The following TENM3 variants were observed in gnomAD, a reference collection of about 807,000 sequenced individuals.
TENM3 encodes teneurin-3.
Under a neutral mutation model 255.1 loss-of-function variants are expected in TENM3, and 63 were observed. That is an observed-to-expected ratio of 0.25 (90% CI 0.20 to 0.30). The LOEUF (loss-of-function observed/expected upper bound fraction) is 0.30. Ranked by LOEUF, TENM3 falls within the 10% of genes least tolerant of loss-of-function variation. The pLI, the probability that TENM3 is intolerant of heterozygous loss-of-function variation, is 1.00. For synonymous variants in TENM3, 1,306 were observed against 1,322.3 expected (o/e 0.99, Z 0.27); for missense variants, 2,929 against 3,461.1 (o/e 0.85, Z 3.86).
the TENM3 span, among the ~76,000 whole-genome samples, chr4:181,458,910 A>G: frequency 6.6e-6 from 1 of 152,016 alleles, no homozygotes; most frequent in African/African-American, 2.4e-5. Flanking sequence ...TCCAATGAGT[A>G]AATACCTAGA....
chr4:182,437,448 A>G (rs1401990516), intron 3 of TENM3, among the ~76,000 whole-genome samples: 2 of 151,876 alleles, frequency 1.3e-5, no homozygotes, highest in Non-Finnish European at 2.9e-5. Flanking sequence ...TAGGAGTTCA[A>G]GATCAGCCTG....
At chr4:182,332,560 G>C (rs532145174) in intron 2 of TENM3, among the ~76,000 whole-genome samples, 2 of 152,068 alleles carry the variant, frequency 1.3e-5, no homozygotes, top group African/African-American at 2.4e-5. Flanking sequence ...TGGGCGTGGT[G>C]GTGGGCGCCT....
the TENM3 span, among the ~76,000 whole-genome samples, chr4:182,112,245 C>T: frequency 0.15 from 22,746 of 152,086 alleles, 1,931 homozygotes; most frequent in Non-Finnish European, 0.19. Context: ...GTATAGCGCG[C>T]CCTCCCCAAC....
At chr4:182,462,522 A>C (rs962345115) in intron 3 of TENM3, among the ~76,000 whole-genome samples, 1 of 151,790 alleles carries the variant, frequency 6.6e-6, no homozygotes, top group South Asian at 2.1e-4. Flanking sequence ...CTTTGAGTGC[A>C]GAAGCTGGTT....
At chr4:181,519,569 T>C in the TENM3 span, among the ~76,000 whole-genome samples, 1 of 152,226 alleles carries the variant, frequency 6.6e-6, no homozygotes, top group African/African-American at 2.4e-5. Context: ...TAAGGTTTTT[T>C]GAGAGGCATA....
intron 12 of TENM3, among the ~76,000 whole-genome samples, chr4:182,700,828 T>C (rs1386588622): frequency 2.6e-5 from 4 of 152,202 alleles, no homozygotes; most frequent in Admixed American, 2.6e-4. Context: ...TTTTCTTATA[T>C]ACTAAATTAG....
At chr4:182,411,856 T>C (rs1243979794) in intron 3 of TENM3, among the ~76,000 whole-genome samples, 2 of 152,204 alleles carry the variant, frequency 1.3e-5, no homozygotes, top group African/African-American at 2.4e-5. Flanking sequence ...ACCAGTCACA[T>C]AGATAAAATA....
the TENM3 span, among the ~76,000 whole-genome samples, chr4:181,899,630 C>T: frequency 6.6e-6 from 1 of 151,862 alleles, no homozygotes; most frequent in Non-Finnish European, 1.5e-5. Flanking sequence ...TGCAGTGGCG[C>T]GATCTCAGCT....
intron 3 of TENM3, among the ~76,000 whole-genome samples, chr4:182,585,380 C>G (rs1413217729): frequency 6.6e-6 from 1 of 152,056 alleles, no homozygotes; most frequent in African/African-American, 2.4e-5. Context: ...GCTGTAATCC[C>G]CTATGTGACT....
the TENM3 span, among the ~76,000 whole-genome samples, chr4:181,490,227 A>G: frequency 8.9e-3 from 1,352 of 152,174 alleles, 16 homozygotes; most frequent in South Asian, 0.033. Flanking sequence ...AACTATACGC[A>G]CCCTATTGTG....
chr4:181,856,232 C>G, the TENM3 span, among the ~76,000 whole-genome samples: 3 of 151,542 alleles, frequency 2.0e-5, no homozygotes, highest in South Asian at 4.2e-4. Flanking sequence ...TTACAGTTAC[C>G]CCTACCTCAA....
rs191624761 is a variant in TENM3, at chr4:182,336,641, C to T, written c.233-10010C>T. ...TGGCCAGATCTAGCTTGTTAATGTC[C>T]CTGCTGCCCTGATGGCTTGGTTTTC... On this transcript the variant is annotated intron_variant, in intron 2 of 27. Coordinates refer to ENST00000511685, the MANE Select transcript of TENM3 (RefSeq NM_001080477.4). Among the ~76,000 whole-genome samples, 80 of 152,214 alleles carry T rather than the reference C, an allele frequency of 5.3e-4. 1 individual carries two copies. The highest frequency in any genetic ancestry group is 6.8e-3 in the Middle Eastern group (2 of 294).
rs578146577 is a variant in TENM3 at position 182,755,804 on chromosome 4, C to G, written c.4892+545C>G. ...GCAGTGAGCCGAGATCGCGCCACTG[C>G]ACTCCAGTCTCTGGGCGACAGAGCG... is the stretch of plus-strand genomic sequence containing the variant. On this transcript the variant is annotated intron_variant, in intron 22 of 27. Transcript: ENST00000511685. 9.4e-4 allele frequency among the ~76,000 whole-genome samples: 143 copies of G among 152,118 alleles called. 1 individual carries two copies. The highest frequency in any genetic ancestry group is 3.3e-3 in the African/African-American group (138 of 41,474).
At chr4:182,674,969 C>T (rs981026320) in intron 7 of TENM3, among the ~76,000 whole-genome samples, 6 of 151,886 alleles carry the variant, frequency 4.0e-5, no homozygotes, top group South Asian at 2.1e-4. Context: ...CTCCGCCTCC[C>T]GGGTTCAAGT....
chr4:181,535,976 T>C, the TENM3 span, among the ~76,000 whole-genome samples: 1 of 152,162 alleles, frequency 6.6e-6, no homozygotes, highest in Non-Finnish European at 1.5e-5. Flanking sequence ...TTAGCCACAT[T>C]TCCCTAATAA....
chr4:182,767,076 C>T (rs1202922752), intron 22 of TENM3, among the ~76,000 whole-genome samples: 1 of 152,088 alleles, frequency 6.6e-6, no homozygotes, highest in Non-Finnish European at 1.5e-5. Context: ...TGCTCTGTTT[C>T]CCTTGGTGAT....
chr4:182,257,587 G>A (rs1430666629), intron 1 of TENM3, among the ~76,000 whole-genome samples: 1 of 152,162 alleles, frequency 6.6e-6, no homozygotes, highest in Non-Finnish European at 1.5e-5. Flanking sequence ...CACTGCCCAA[G>A]GATGCATTTC....
the TENM3 span, among the ~76,000 whole-genome samples, chr4:181,753,273 T>C: frequency 6.6e-6 from 1 of 152,196 alleles, no homozygotes; most frequent in South Asian, 2.1e-4. Flanking sequence ...TGGAATCCTA[T>C]ATAATCAGAC....
chr4:182,559,650 T>C lies in TENM3; in HGVS notation c.512-41274T>C, dbSNP rs963257920. On this transcript the variant is annotated intron_variant, in intron 3 of 27. Coordinates refer to ENST00000511685, the MANE Select transcript of TENM3 (RefSeq NM_001080477.4). ...TGATTTTTTTAATGCCCAGCGTTTG[T>C]TGTATTCTTTTTATAACATTTTTTC... Among the ~76,000 whole-genome samples, 21 of 152,162 alleles carry C rather than the reference T, an allele frequency of 1.4e-4. 1 individual carries two copies. The highest frequency in any genetic ancestry group is 5.1e-4 in the African/African-American group (21 of 41,454).
Sources: gnomAD v4.1 joint callset for allele counts (sites outside exome capture counted in the v4.1 genomes callset) on GRCh38, gnomAD v4.1.1 for gene constraint, MANE v1.5 for transcripts, NCBI Gene and HGNC (gene_info 2026-07-23, HGNC 2026-07-21) for gene names.